The following FRZB variants were observed in gnomAD, a reference collection of about 807,000 sequenced individuals.
The protein encoded by FRZB is secreted frizzled-related protein 3.
In FRZB, 34 loss-of-function variants were observed where a neutral mutation model predicts 32.5. That is an observed-to-expected ratio of 1.05 (90% CI 0.80 to 1.39). The LOEUF is 1.39. FRZB is among the 40% of genes most tolerant of loss of function. FRZB has a pLI of 0.00. For synonymous variants in FRZB, 170 were observed against 159.2 expected (o/e 1.07, Z -0.51); for missense variants, 423 against 424.8 (o/e 1.00, Z 0.04).
chr2:182,835,987 TGAA>T (rs1257307471), intron 5 of FRZB, among the ~76,000 whole-genome samples: 2 of 152,122 alleles, frequency 1.3e-5, no homozygotes, highest in Non-Finnish European at 2.9e-5. Context: ...TAGATACATC[TGAA>T]GATTAATAAA....
At chr2:182,863,017 G>C (rs559114280) in intron 1 of FRZB, among the ~76,000 whole-genome samples, 179 of 152,180 alleles carry the variant, frequency 1.2e-3, no homozygotes, top group African/African-American at 4.0e-3. Context: ...TGATCCACCC[G>C]CCTCGGCCTT....
At chr2:182,851,680 C>CA (rs537416443) in intron 2 of FRZB, among the ~76,000 whole-genome samples, 99 of 143,266 alleles carry the variant, frequency 6.9e-4, no homozygotes, top group East Asian at 1.0e-3. Flanking sequence ...AAACAAAAAA[C>CA]AAAAAAAAAA....
At position 182,865,951 on chromosome 2, in the gene FRZB, GC is replaced by G. The variant is rs2105766751; in HGVS notation, c.478+123del. 5.5e-6 allele frequency: 4 copies of G among 721,906 alleles called. No homozygotes were observed. The Admixed American group carries it at 1.1e-4, about 20-fold the overall frequency. The allele number at this position is 721,906 out of a possible 1,614,324, so 44.7% of individuals were successfully genotyped here. On this transcript the variant is annotated intron_variant, in intron 1 of 5. Coordinates refer to ENST00000295113, the MANE Select transcript of FRZB (RefSeq NM_001463.4). ...AAGAAGAAGGGTCTTTGATAGAGGA[GC>G]AGTTATGGGAGAGATTAAGTGATCC... is the stretch of plus-strand genomic sequence containing the variant.
intron 2 of FRZB, among the ~76,000 whole-genome samples, chr2:182,856,384 G>A (rs1470749293): frequency 1.3e-5 from 2 of 151,898 alleles, no homozygotes; most frequent in African/African-American, 2.4e-5. Context: ...GAGAGAGAGA[G>A]AGAGATACAA....
intron 2 of FRZB, among the ~76,000 whole-genome samples, chr2:182,858,052 C>T (rs535562620): frequency 6.6e-6 from 1 of 152,278 alleles, no homozygotes; most frequent in African/African-American, 2.4e-5. Context: ...TTATACATTA[C>T]TAGCACAAAA....
At chr2:182,856,150 C>A (rs974834446) in intron 2 of FRZB, among the ~76,000 whole-genome samples, 1 of 151,808 alleles carries the variant, frequency 6.6e-6, no homozygotes, top group Non-Finnish European at 1.5e-5. Flanking sequence ...TAAGAAAGTT[C>A]TTCAGACAGA....
At chr2:182,841,530 T>G (rs541543812) in intron 3 of FRZB, among the ~76,000 whole-genome samples, 1 of 152,274 alleles carries the variant, frequency 6.6e-6, no homozygotes, top group East Asian at 1.9e-4. Flanking sequence ...TCAACATCAA[T>G]AGTCTTATGC....
chr2:182,849,174 C>T (rs914481062), intron 2 of FRZB, among the ~76,000 whole-genome samples: 23 of 152,058 alleles, frequency 1.5e-4, no homozygotes, highest in Non-Finnish European at 2.9e-4. Context: ...TTGCAGTGAG[C>T]TGAGATCGCG....
intron 2 of FRZB, among the ~76,000 whole-genome samples, chr2:182,856,378 G>C (rs1176963373): frequency 1.3e-5 from 2 of 151,924 alleles, no homozygotes; most frequent in Admixed American, 1.3e-4. Context: ...GTGTGAGAGA[G>C]AGAGAGAGAG....
chr2:182,854,256 A>C (rs927749826), intron 2 of FRZB, among the ~76,000 whole-genome samples: 5 of 152,318 alleles, frequency 3.3e-5, no homozygotes, highest in African/African-American at 9.6e-5. Context: ...ACTTTTCTGC[A>C]TGCATGTTAT....
At chr2:182,864,888 G>A (rs767161582) in intron 1 of FRZB, among the ~76,000 whole-genome samples, 1 of 151,834 alleles carries the variant, frequency 6.6e-6, no homozygotes, top group Non-Finnish European at 1.5e-5. Context: ...TGGGGGATGT[G>A]GTATGAAAGA....
intron 2 of FRZB, among the ~76,000 whole-genome samples, chr2:182,855,524 A>G (rs1695758383): frequency 6.6e-6 from 1 of 152,192 alleles, no homozygotes; most frequent in African/African-American, 2.4e-5. Flanking sequence ...GATGTGTTTC[A>G]GAGAGTAGGA....
intron 2 of FRZB, among the ~76,000 whole-genome samples, chr2:182,849,963 G>T (rs1432869173): frequency 6.6e-6 from 1 of 152,184 alleles, no homozygotes; most frequent in African/African-American, 2.4e-5. Context: ...GGGCTTCACA[G>T]CCTCTAGAAC....
chr2:182,858,934 C>T, intron 1 of FRZB, 101 bp from the exon 2 acceptor site: 1 of 963,040 alleles, frequency 1.0e-6, no homozygotes, highest in Middle Eastern at 2.1e-4. Flanking sequence ...GGGTAAGAAT[C>T]CAATTGTCTG....
Position 182,838,509 on chromosome 2 carries a change from C to A in FRZB, c.697G>T (p.Asp233Tyr). The stretch of plus-strand genomic sequence containing the variant: ...GAGCTGGTATAGAGGTTGACAGTGT[C>A]CCGTGGAATGTTTACCAGAGAGGAC... ...LKSSLVNIPRDTVNLYTSSGC... is the reference protein window; with the variant it reads ...LKSSLVNIPRYTVNLYTSSGC... Residue 233 changes from aspartate (D) to tyrosine (Y), a missense_variant, in exon 4 of 6, where the codon GAC (aspartate) becomes TAC (tyrosine). Asp to Tyr is a radical substitution (Grantham distance 160). Transcript: ENST00000295113. 1 of 1,612,888 alleles carries A rather than the reference C, an allele frequency of 6.2e-7. No individual in the cohort carries two copies. The highest frequency in any genetic ancestry group is 8.5e-7 in the Non-Finnish European group (1 of 1,179,218).
chr2:182,865,988 AAATT>A, intron 1 of FRZB, 83 bp downstream of exon 1: 1 of 1,040,406 alleles, frequency 9.6e-7, no homozygotes, highest in Non-Finnish European at 1.4e-6. Context: ...GAAGAGAAAA[AAATT>A]AGAGAGTAAA....
chr2:182,844,389 T>C (rs931682845), intron 2 of FRZB, among the ~76,000 whole-genome samples: 2 of 152,220 alleles, frequency 1.3e-5, no homozygotes, highest in Non-Finnish European at 2.9e-5. Context: ...TTTTATTCTG[T>C]ATTAAAATGT....
Position 182,833,711 on chromosome 2 carries a change from C to T in FRZB, c.*1138G>A, listed in dbSNP as rs1448770154. ...GACAACCATAATTCATTTTACTAGACATTTTTCGCTGAGCATTAAGCAGCA... is the reference window on the plus strand; with the variant it reads ...GACAACCATAATTCATTTTACTAGATATTTTTCGCTGAGCATTAAGCAGCA... On this transcript the variant is annotated 3_prime_UTR_variant, in exon 6 of 6. Coordinates refer to ENST00000295113, the MANE Select transcript of FRZB (RefSeq NM_001463.4). 2 of 152,116 alleles carry T rather than the reference C, an allele frequency of 1.3e-5. No individual in the cohort carries two copies. The highest frequency in any genetic ancestry group is 2.9e-5 in the Non-Finnish European group (2 of 68,012). The allele number at this position is 152,116 out of a possible 1,614,324, so 9.4% of individuals were successfully genotyped here.
chr2:182,851,862 G>C (rs892736569), intron 2 of FRZB, among the ~76,000 whole-genome samples: 3 of 152,104 alleles, frequency 2.0e-5, no homozygotes, highest in Non-Finnish European at 2.9e-5. Flanking sequence ...TATGAGGAGA[G>C]AGGAACAGAA....
Sources: gnomAD v4.1 joint callset for allele counts (sites outside exome capture counted in the v4.1 genomes callset) on GRCh38, gnomAD v4.1.1 for gene constraint, MANE v1.5 for transcripts, NCBI Gene and HGNC (gene_info 2026-07-23, HGNC 2026-07-21) for gene names.